CAP2: variants seen among roughly 807,000 people sequenced by gnomAD.
CAP2 encodes adenylyl cyclase-associated protein 2.
Under a neutral mutation model 57.7 loss-of-function variants are expected in CAP2, and 24 were observed. The observed-to-expected ratio is 0.42, with a 90% confidence interval of 0.30 to 0.58. The LOEUF is 0.58. Among genes scored for constraint, CAP2 ranks in the 20% least tolerant of loss-of-function variants. The pLI is 0.22. For missense variants in CAP2, 501 were observed against 590.3 expected (o/e 0.85, Z 1.57); for synonymous variants, 194 against 207.2 (o/e 0.94, Z 0.55).
intron 4 of CAP2, among the ~76,000 whole-genome samples, chr6:17,496,377 C>T (rs1761669881): frequency 1.3e-5 from 2 of 152,130 alleles, no homozygotes. Context: ...AAAGAGGGGG[C>T]GCCATATGCA....
chr6:17,532,926 G>A (rs1407171624), intron 7 of CAP2, among the ~76,000 whole-genome samples: 3 of 151,238 alleles, frequency 2.0e-5, no homozygotes, highest in South Asian at 2.1e-4. Flanking sequence ...TTAGCTGGGC[G>A]TGGTGGTGCA....
intron 3 of CAP2, among the ~76,000 whole-genome samples, chr6:17,427,351 G>A (rs1328414997): frequency 2.6e-5 from 4 of 152,206 alleles, no homozygotes; most frequent in East Asian, 1.9e-4. Flanking sequence ...CGGGGTCACC[G>A]GGCAGAGGAC....
intron 1 of CAP2, among the ~76,000 whole-genome samples, chr6:17,420,958 G>A (rs146735814): frequency 3.3e-5 from 5 of 151,090 alleles, no homozygotes; most frequent in Admixed American, 2.0e-4. Context: ...AGCACAATTC[G>A]CAATAGCAAA....
At chr6:17,453,129 C>T (rs1329087931) in intron 3 of CAP2, among the ~76,000 whole-genome samples, 1 of 152,224 alleles carries the variant, frequency 6.6e-6, no homozygotes, top group Non-Finnish European at 1.5e-5. Flanking sequence ...ATCTGCTCAG[C>T]AGATCTTGAG....
chr6:17,455,590 C>T (rs1177282530), intron 3 of CAP2, among the ~76,000 whole-genome samples: 5 of 151,426 alleles, frequency 3.3e-5, no homozygotes, highest in Non-Finnish European at 7.4e-5. Context: ...GGCTGGAGTG[C>T]AGTGGTGCAA....
At chr6:17,508,961 T>C (rs1762067292) in intron 6 of CAP2, among the ~76,000 whole-genome samples, 1 of 152,070 alleles carries the variant, frequency 6.6e-6, no homozygotes, top group Non-Finnish European at 1.5e-5. Flanking sequence ...TTTCACCATA[T>C]TGGCCAGATG....
chr6:17,499,058 GA>G (rs953711888), intron 4 of CAP2, among the ~76,000 whole-genome samples: 187 of 146,418 alleles, frequency 1.3e-3, no homozygotes, highest in African/African-American at 4.1e-3. Context: ...AACTATTACT[GA>G]AAAAAAAAAT....
intron 4 of CAP2, among the ~76,000 whole-genome samples, chr6:17,502,111 C>A (rs1290946138): frequency 6.6e-6 from 1 of 152,230 alleles, no homozygotes; most frequent in Non-Finnish European, 1.5e-5. Context: ...GGAGCTACCA[C>A]CAATGCACTC....
intron 3 of CAP2, among the ~76,000 whole-genome samples, chr6:17,460,454 A>G (rs568397629): frequency 2.0e-5 from 3 of 152,342 alleles, no homozygotes; most frequent in South Asian, 2.1e-4. Flanking sequence ...TATTATTGCT[A>G]TCAGTTTGGA....
intron 3 of CAP2, among the ~76,000 whole-genome samples, chr6:17,450,436 G>T (rs1158740529): frequency 6.6e-6 from 1 of 152,170 alleles, no homozygotes; most frequent in East Asian, 1.9e-4. Context: ...TTTGGATGGG[G>T]TTGGTGGGGC....
In CAP2 at chr6:17,539,268, G is replaced by T; in HGVS notation, c.637-1G>T. The T allele has an allele frequency of 6.2e-7, 1 of 1,604,954 alleles. No homozygotes were observed. The highest frequency in any genetic ancestry group is 8.5e-7 in the Non-Finnish European group (1 of 1,174,554). On this transcript the variant is annotated splice_acceptor_variant, in intron 7 of 12. Transcript: ENST00000229922. LOFTEE classifies it high-confidence loss of function. Reference sequence around the variant, plus strand: ...CAATGCCCTGTCTTCTGTCTTCTCAGGGTCCTGTAGCATCCACAGTATCAG... The same window carrying T: ...CAATGCCCTGTCTTCTGTCTTCTCATGGTCCTGTAGCATCCACAGTATCAG...
At chr6:17,541,219 C>T in intron 9 of CAP2, 71 bp downstream of exon 9, 1 of 1,206,518 alleles carries the variant, frequency 8.3e-7, no homozygotes, top group Non-Finnish European at 1.2e-6. Flanking sequence ...AAACCATTTA[C>T]CAAGATCTGA....
At chr6:17,476,531 T>C (rs1178687102) in intron 4 of CAP2, among the ~76,000 whole-genome samples, 1 of 152,210 alleles carries the variant, frequency 6.6e-6, no homozygotes, top group East Asian at 1.9e-4. Context: ...AATACCACGC[T>C]TGAGATTGGA....
intron 4 of CAP2, among the ~76,000 whole-genome samples, chr6:17,500,340 A>ATATATATATATAT (rs1761774829): frequency 3.0e-5 from 1 of 33,024 alleles, no homozygotes; most frequent in Non-Finnish European, 6.8e-5. Flanking sequence ...TGTGTGTCCA[A>ATATATATATATAT]ATATATATAT....
chr6:17,469,114 C>T (rs547206313), intron 4 of CAP2, among the ~76,000 whole-genome samples: 4 of 152,362 alleles, frequency 2.6e-5, no homozygotes, highest in South Asian at 2.1e-4. Flanking sequence ...AACTCTCGCC[C>T]GAGCTGCAGA....
At chr6:17,419,300 C>T (rs1759368073) in intron 1 of CAP2, among the ~76,000 whole-genome samples, 1 of 152,168 alleles carries the variant, frequency 6.6e-6, no homozygotes, top group Non-Finnish European at 1.5e-5. Flanking sequence ...TTTATTTACC[C>T]CTGCTTTAGG....
At chr6:17,413,347 CGAGAA>C (rs1441512143) in intron 1 of CAP2, among the ~76,000 whole-genome samples, 1 of 151,982 alleles carries the variant, frequency 6.6e-6, no homozygotes, top group East Asian at 1.9e-4. Context: ...TGCTGTTTGG[CGAGAA>C]GCTGGCTCCA....
intron 6 of CAP2, among the ~76,000 whole-genome samples, chr6:17,509,494 A>T (rs1216090938): frequency 6.6e-6 from 1 of 152,144 alleles, no homozygotes; most frequent in Non-Finnish European, 1.5e-5. Flanking sequence ...CCTGGCCAAC[A>T]TGGTGAAACC....
rs764343413 is a variant in CAP2 at position 17,513,879 on chromosome 6, A to G, written c.561A>G (p.Ser187=). The part of the protein sequence containing the change: ...SDLRHVDWVK[S]YLNIWSELQA... ...TGCGTCATGTGGATTGGGTGAAGTC[A>G]TATTTGAACATTTGGAGTGAACTTC... The change falls in exon 7 of 13, where the codon TCA becomes TCG. Residue 187 remains serine (S), a synonymous_variant. Transcript: ENST00000229922. This position sits in a 1 kb window ranked among gnomAD's most constrained non-coding sequence, Gnocchi z 4.3. The G allele has an allele frequency of 3.1e-6, 5 of 1,613,494 alleles. No individual in the cohort carries two copies. The highest frequency in any genetic ancestry group is 2.7e-5 in the African/African-American group (2 of 75,038).
Sources: allele counts gnomAD v4.1 joint callset (sites outside exome capture counted in the v4.1 genomes callset), GRCh38; gene constraint gnomAD v4.1.1; non-coding constraint Gnocchi (gnomAD v3.1); transcripts MANE v1.5; gene names NCBI Gene and HGNC (gene_info 2026-07-23, HGNC 2026-07-21).